The following ARHGAP24 variants were observed in gnomAD, a reference collection of about 807,000 sequenced individuals.
ARHGAP24 encodes Rho GTPase activating protein 24.
ARHGAP24 carries 50 observed loss-of-function variants against 76.4 expected under a neutral mutation model. That is an observed-to-expected ratio of 0.65 (90% CI 0.52 to 0.83). The LOEUF is 0.83. Among genes scored for constraint, ARHGAP24 ranks in the 40% least tolerant of loss-of-function variants. The probability of loss-of-function intolerance (pLI) is 0.00; values close to 1 mark genes in which losing one functional copy is unlikely to be tolerated. For missense variants in ARHGAP24, 930 were observed against 914.2 expected, an observed-to-expected ratio of 1.02 and a Z score of -0.22; for synonymous variants, 345 against 323.3, an observed-to-expected ratio of 1.07 and a Z score of -0.72.
chr4:85,570,138 TA>T (rs1169838157), intron 1 of ARHGAP24, among the ~76,000 whole-genome samples: 1 of 152,222 alleles, frequency 6.6e-6, no homozygotes, highest in Non-Finnish European at 1.5e-5. Context: ...TGAATTCATT[TA>T]AGAAGGCAGG....
chr4:85,914,421 G>T (rs914771760), intron 3 of ARHGAP24, among the ~76,000 whole-genome samples: 1 of 152,168 alleles, frequency 6.6e-6, no homozygotes, highest in Non-Finnish European at 1.5e-5. Context: ...GTGGAATGAG[G>T]TCCAAGAATT....
intron 1 of ARHGAP24, among the ~76,000 whole-genome samples, chr4:85,531,651 ATAT>A (rs1239441115): frequency 6.6e-5 from 10 of 152,120 alleles, no homozygotes; most frequent in African/African-American, 2.4e-4. Context: ...TATGCAGAGT[ATAT>A]CACTTTGTAT....
chr4:85,848,935 T>C (rs536812794), intron 3 of ARHGAP24, among the ~76,000 whole-genome samples: 4 of 152,150 alleles, frequency 2.6e-5, no homozygotes, highest in Non-Finnish European at 5.9e-5. Flanking sequence ...TGCGGGCTCT[T>C]TTTTGGTTCC....
intron 1 of ARHGAP24, among the ~76,000 whole-genome samples, chr4:85,559,960 G>T (rs1414965805): frequency 1.3e-5 from 2 of 152,116 alleles, no homozygotes; most frequent in African/African-American, 4.8e-5. Context: ...AATTGAATTA[G>T]CAAAGAGTCT....
intron 2 of ARHGAP24, among the ~76,000 whole-genome samples, chr4:85,671,827 T>C (rs989970878): frequency 2.0e-5 from 3 of 152,336 alleles, no homozygotes; most frequent in African/African-American, 7.2e-5. Flanking sequence ...AAGAATGTGC[T>C]ACAAATGTAC....
chr4:85,998,721 C>A (rs530961548), intron 9 of ARHGAP24, among the ~76,000 whole-genome samples: 2 of 152,272 alleles, frequency 1.3e-5, no homozygotes, highest in East Asian at 3.9e-4. Flanking sequence ...TGAGCTAATT[C>A]AATTCTGATA....
intron 3 of ARHGAP24, among the ~76,000 whole-genome samples, chr4:85,835,821 G>T (rs985653931): frequency 6.6e-6 from 1 of 151,954 alleles, no homozygotes; most frequent in African/African-American, 2.4e-5. Context: ...GAGCAGCTGG[G>T]ATTACAGGTG....
chr4:85,823,262 G>A (rs1729559439), intron 3 of ARHGAP24, among the ~76,000 whole-genome samples: 1 of 151,936 alleles, frequency 6.6e-6, no homozygotes, highest in Non-Finnish European at 1.5e-5. Context: ...TCTATATATT[G>A]AATATTTATT....
chr4:85,575,529 A>G (rs758773819), intron 2 of ARHGAP24, among the ~76,000 whole-genome samples: 1 of 152,214 alleles, frequency 6.6e-6, no homozygotes, highest in African/African-American at 2.4e-5. Flanking sequence ...GACTTTGGAT[A>G]CCTATTAGAA....
At chr4:85,623,942 C>T (rs960630497) in intron 2 of ARHGAP24, among the ~76,000 whole-genome samples, 6 of 151,982 alleles carry the variant, frequency 3.9e-5, no homozygotes, top group African/African-American at 9.6e-5. Context: ...GATTTTGTAT[C>T]CTGAGACTTT....
At chr4:85,848,764 T>A (rs1395992505) in intron 3 of ARHGAP24, among the ~76,000 whole-genome samples, 1 of 152,160 alleles carries the variant, frequency 6.6e-6, no homozygotes, top group African/African-American at 2.4e-5. Flanking sequence ...TGTAGATGTG[T>A]GGTATTATTT....
intron 4 of ARHGAP24, among the ~76,000 whole-genome samples, chr4:85,929,185 G>A (rs1430383211): frequency 6.6e-6 from 1 of 152,188 alleles, no homozygotes; most frequent in Non-Finnish European, 1.5e-5. Flanking sequence ...TGTCTTCGTG[G>A]TGCTGAGTTA....
intron 3 of ARHGAP24, among the ~76,000 whole-genome samples, chr4:85,889,226 G>C (rs533694073): frequency 1.3e-5 from 2 of 152,290 alleles, no homozygotes; most frequent in South Asian, 4.1e-4. Flanking sequence ...TGGACATGGG[G>C]TAAGTATAAC....
chr4:85,513,777 T>C (rs1016242948), intron 1 of ARHGAP24, among the ~76,000 whole-genome samples: 1 of 152,202 alleles, frequency 6.6e-6, no homozygotes, highest in African/African-American at 2.4e-5. Flanking sequence ...TTCTTTGTGG[T>C]TTCTCTTTGA....
chr4:85,857,175 A>C (rs1278176375), intron 3 of ARHGAP24, among the ~76,000 whole-genome samples: 1 of 152,194 alleles, frequency 6.6e-6, no homozygotes, highest in Admixed American at 6.5e-5. Context: ...GAGTCACCAA[A>C]GCAAAGTCTC....
At chr4:85,599,708 T>C (rs1719969421) in intron 2 of ARHGAP24, among the ~76,000 whole-genome samples, 1 of 152,180 alleles carries the variant, frequency 6.6e-6, no homozygotes, top group Non-Finnish European at 1.5e-5. Context: ...ATATTCTAAA[T>C]ATAAAATTTA....
At chr4:85,510,102 G>A (rs965651051) in intron 1 of ARHGAP24, among the ~76,000 whole-genome samples, 15 of 152,102 alleles carry the variant, frequency 9.9e-5, no homozygotes, top group South Asian at 4.1e-4. Flanking sequence ...GTGATGTGGC[G>A]GCTCTTAAAA....
At chr4:85,850,338 T>G (rs1225588881) in intron 3 of ARHGAP24, among the ~76,000 whole-genome samples, 4 of 152,204 alleles carry the variant, frequency 2.6e-5, no homozygotes, top group Non-Finnish European at 2.9e-5. Context: ...TTCTTCTCTC[T>G]TTTCTTCTTT....
At chr4:85,525,453 AT>A (rs1274060103) in intron 1 of ARHGAP24, among the ~76,000 whole-genome samples, 3 of 152,110 alleles carry the variant, frequency 2.0e-5, no homozygotes, top group Non-Finnish European at 2.9e-5. Flanking sequence ...ATTAAAAAAA[AT>A]GTTAGTTTAC....
Sources: gnomAD v4.1 joint callset for allele counts (sites outside exome capture counted in the v4.1 genomes callset) on GRCh38, gnomAD v4.1.1 for gene constraint, MANE v1.5 for transcripts, NCBI Gene and HGNC (gene_info 2026-07-23, HGNC 2026-07-21) for gene names.